The following N4BP1 variants were observed in gnomAD, a reference collection of about 807,000 sequenced individuals.
N4BP1 encodes NEDD4-binding protein 1.
Under a neutral mutation model 70.9 loss-of-function variants are expected in N4BP1, and 21 were observed. The observed-to-expected ratio is 0.30, with a 90% CI of 0.21 to 0.43. The LOEUF is 0.43. Among genes scored for constraint, N4BP1 ranks in the 20% least tolerant of loss-of-function variants. The probability of loss-of-function intolerance (pLI) is 1.00; values close to 1 mark genes in which losing one functional copy is unlikely to be tolerated. For missense variants in N4BP1, 936 were observed against 1,069.4 expected (o/e 0.88, Z 1.74); for synonymous variants, 387 against 394.6 (o/e 0.98, Z 0.23).
chr16:48,580,547 T>C (rs1287744948), intron 1 of N4BP1, among the ~76,000 whole-genome samples: 1 of 152,084 alleles, frequency 6.6e-6, no homozygotes, highest in Non-Finnish European at 1.5e-5. Context: ...TCCAAAAAAC[T>C]GAAGAGGAGG....
chr16:48,592,053 G>T (rs1964347571), intron 1 of N4BP1, among the ~76,000 whole-genome samples: 1 of 152,160 alleles, frequency 6.6e-6, no homozygotes, highest in African/African-American at 2.4e-5. Flanking sequence ...AAAGAAGCAT[G>T]CTCTTGGCCA....
In N4BP1 at chr16:48,572,857, G is replaced by C. The variant is rs531936991; in HGVS notation, c.199-10413C>G. 1.8e-4 allele frequency among the ~76,000 whole-genome samples: 28 copies of C among 152,300 alleles called. 1 individual carries two copies. In the South Asian group the frequency reaches 5.8e-3, roughly 32 times the overall value. On this transcript the variant is annotated intron_variant, in intron 1 of 6. Coordinates refer to ENST00000262384, the MANE Select transcript of N4BP1 (RefSeq NM_153029.4). ...TACAAATTTCAGGAAAGGCTTGGGC[G>C]TGGTGGCTCACATCTATAATTCCAG...
chr16:48,560,633 G>C (rs558116897), intron 2 of N4BP1, 121 bp downstream of exon 2: 1 of 1,313,804 alleles, frequency 7.6e-7, no homozygotes. Flanking sequence ...TCCACCATCC[G>C]ACCCTAAGGC....
chr16:48,592,930 A>C (rs996398665), intron 1 of N4BP1, among the ~76,000 whole-genome samples: 3 of 152,180 alleles, frequency 2.0e-5, no homozygotes, highest in Non-Finnish European at 4.4e-5. Flanking sequence ...CTTGTCCTAA[A>C]GTAAAAAGAC....
chr16:48,576,352 A>G (rs977451538), intron 1 of N4BP1, among the ~76,000 whole-genome samples: 1 of 152,128 alleles, frequency 6.6e-6, no homozygotes. Context: ...CATCTCTAAA[A>G]TGTCTATGAA....
At chr16:48,551,564 G>T in intron 3 of N4BP1, 82 bp from the exon 4 acceptor site, 1 of 961,786 alleles carries the variant, frequency 1.0e-6, no homozygotes, top group Non-Finnish European at 1.6e-6. Flanking sequence ...ACACTCAAAT[G>T]TTTCACTTGG....
intron 1 of N4BP1, among the ~76,000 whole-genome samples, chr16:48,607,413 A>G (rs1440708462): frequency 1.3e-5 from 2 of 152,208 alleles, no homozygotes; most frequent in African/African-American, 4.8e-5. Flanking sequence ...TTGGAAAAAT[A>G]AAGTGGGGTT....
At chr16:48,570,097 C>T (rs1963993953) in intron 1 of N4BP1, among the ~76,000 whole-genome samples, 2 of 148,414 alleles carry the variant, frequency 1.3e-5, no homozygotes, top group East Asian at 2.0e-4. Flanking sequence ...TTGGTTCCTG[C>T]AAGCTTCGAT....
intron 1 of N4BP1, among the ~76,000 whole-genome samples, chr16:48,585,836 C>T (rs1964238349): frequency 6.6e-6 from 1 of 152,144 alleles, no homozygotes; most frequent in South Asian, 2.1e-4. Flanking sequence ...GCTGGGACTA[C>T]AGGCAGACAC....
In N4BP1 at chr16:48,591,889, T is replaced by C. The variant is rs1964345158; in HGVS notation, c.198+17886A>G. On this transcript the variant is annotated intron_variant, in intron 1 of 6. Coordinates refer to ENST00000262384, the MANE Select transcript of N4BP1 (RefSeq NM_153029.4). ...GCTTTACATTATGTTACCTGACGTT[T>C]TTTTTTTTTTCCAAGTTTTGGGGGT... Among the ~76,000 whole-genome samples the C allele has an allele frequency of 3.3e-5, 4 of 122,980 alleles. No individual in the cohort carries two copies. In the Admixed American group the frequency reaches 3.3e-4, roughly 10 times the overall value. 80.7% of individuals were successfully genotyped at this position (122,980 alleles called of 152,430 possible).
rs1964661642 is a variant in N4BP1, at chr16:48,610,064, G to T, written c.-92C>A. ...GCTGCTCCCAAGCCAGTCAGGCGGC[G>T]TCGGCCCTTCCCGGCCGCCTCGCCC... On this transcript the variant is annotated 5_prime_UTR_variant, in exon 1 of 7. Transcript: ENST00000262384. 2.6e-6 allele frequency: 2 copies of T among 768,512 alleles called. No homozygotes were observed. Among genetic ancestry groups the T allele is most frequent in the Non-Finnish European group, 3.2e-6 (2 of 624,962 alleles). The allele number at this position is 768,512 out of a possible 1,614,324, so 47.6% of individuals were successfully genotyped here. A position where few individuals can be genotyped will look rare whatever the true frequency, so the allele number is the denominator to read the frequency against.
intron 1 of N4BP1, among the ~76,000 whole-genome samples, chr16:48,590,146 G>C (rs1964312468): frequency 6.6e-6 from 1 of 152,034 alleles, no homozygotes; most frequent in Non-Finnish European, 1.5e-5. Context: ...TGCAGACTCT[G>C]CACTCAATGA....
chr16:48,570,140 A>C (rs1025428081), intron 1 of N4BP1, among the ~76,000 whole-genome samples: 23 of 145,624 alleles, frequency 1.6e-4, no homozygotes, highest in African/African-American at 4.8e-4. Context: ...GCTGGGTTAC[A>C]TGAGAATAAA....
intron 2 of N4BP1, among the ~76,000 whole-genome samples, chr16:48,556,217 CT>C (rs1368096315): frequency 3.9e-5 from 6 of 152,142 alleles, no homozygotes; most frequent in Admixed American, 1.3e-4. Context: ...GTTCAAAATT[CT>C]GGTGGAGAAC....
chr16:48,605,906 G>A (rs1000782224), intron 1 of N4BP1, among the ~76,000 whole-genome samples: 2 of 152,164 alleles, frequency 1.3e-5, no homozygotes, highest in African/African-American at 4.8e-5. Context: ...ATGCCCCTGT[G>A]ATTGCACACA....
chr16:48,569,069 G>C (rs1963980394), intron 1 of N4BP1, among the ~76,000 whole-genome samples: 1 of 152,190 alleles, frequency 6.6e-6, no homozygotes, highest in South Asian at 2.1e-4. Flanking sequence ...ATTTGGGATT[G>C]CCTGTGGAGT....
chr16:48,545,587 T>A (rs565120012), intron 6 of N4BP1, among the ~76,000 whole-genome samples: 175 of 150,728 alleles, frequency 1.2e-3, no homozygotes, highest in African/African-American at 4.1e-3. Flanking sequence ...TCAAAAAAAA[T>A]AAATCAATAA....
At chr16:48,546,092 G>A in intron 6 of N4BP1, 55 bp downstream of exon 6, 1 of 1,201,616 alleles carries the variant, frequency 8.3e-7, no homozygotes, top group Non-Finnish European at 1.2e-6. Context: ...TTGCACTAAA[G>A]CACAAAGAAT....
chr16:48,563,349 T>C (rs1963888122), intron 1 of N4BP1, among the ~76,000 whole-genome samples: 2 of 151,728 alleles, frequency 1.3e-5, no homozygotes, highest in South Asian at 4.2e-4. Context: ...AGCGGGACCC[T>C]ATCTCTAAAA....
Sources: gnomAD v4.1 joint callset for allele counts (sites outside exome capture counted in the v4.1 genomes callset) on GRCh38, gnomAD v4.1.1 for gene constraint, MANE v1.5 for transcripts, NCBI Gene and HGNC (gene_info 2026-07-23, HGNC 2026-07-21) for gene names.